Variants in SASH1 observed in about 807,000 individuals in gnomAD.
SASH1 encodes the protein SAM and SH3 domain containing 1, also known as SAM and SH3 domain-containing protein 1.
SASH1 carries 44 observed loss-of-function variants against 125.2 expected under a neutral mutation model. The observed-to-expected ratio is 0.35, with a 90% CI of 0.28 to 0.45. The LOEUF (loss-of-function observed/expected upper bound fraction) is 0.45, where lower values mean the gene tolerates loss of function less well. SASH1 is among the 20% of genes least tolerant of loss of function. The pLI, the probability that SASH1 is intolerant of heterozygous loss-of-function variation, is 1.00. For synonymous variants in SASH1, 639 were observed against 649.1 expected (o/e 0.98, Z 0.24); for missense variants, 1,426 against 1,614.5 (o/e 0.88, Z 2.00).
intron 1 of SASH1, among the ~76,000 whole-genome samples, chr6:148,333,625 G>A (rs1044492351): frequency 1.3e-4 from 20 of 152,088 alleles, no homozygotes; most frequent in African/African-American, 3.9e-4. Context: ...GCAATGGCGC[G>A]ATCTCGGCTC....
intron 2 of SASH1, among the ~76,000 whole-genome samples, chr6:148,400,605 A>G (rs1020573141): frequency 2.0e-5 from 3 of 151,936 alleles, no homozygotes. Context: ...ACAAAAATAA[A>G]CAGGGCGTGG....
At chr6:148,214,704 T>C in the SASH1 span, among the ~76,000 whole-genome samples, 1 of 152,304 alleles carries the variant, frequency 6.6e-6, no homozygotes, top group Non-Finnish European at 1.5e-5. Flanking sequence ...TTGGTATTTC[T>C]CTCAGCTCTG....
chr6:148,224,172 T>A, the SASH1 span, among the ~76,000 whole-genome samples: 1 of 152,156 alleles, frequency 6.6e-6, no homozygotes, highest in African/African-American at 2.4e-5. Flanking sequence ...GTCTCACACC[T>A]ATAATTCCAA....
intron 1 of SASH1, among the ~76,000 whole-genome samples, chr6:148,318,631 C>G (rs1024930284): frequency 1.5e-5 from 2 of 130,090 alleles, no homozygotes; most frequent in Non-Finnish European, 3.5e-5. Context: ...TGGCTCACTG[C>G]AAGCTCCGCC....
In SASH1 at chr6:148,548,658, C is replaced by G. The variant is rs771134707; in HGVS notation, c.*100C>G. 2 of 1,390,452 alleles carry G rather than the reference C, an allele frequency of 1.4e-6. No homozygotes were observed. Among genetic ancestry groups the G allele is most frequent in the Non-Finnish European group, 1.9e-6 (2 of 1,031,886 alleles). 86.1% of individuals were successfully genotyped at this position (1,390,452 alleles called of 1,614,324 possible). ...TCATCTCTGGACGTGCAGACCAGAT[C>G]CAGAAGAAAGGCCTGGCGTGTGGCC... is the stretch of plus-strand genomic sequence containing the variant. On this transcript the variant is annotated 3_prime_UTR_variant, in exon 20 of 20. Transcript: ENST00000367467.
the SASH1 span, among the ~76,000 whole-genome samples, chr6:148,203,928 T>C: frequency 2.0e-5 from 3 of 152,202 alleles, no homozygotes; most frequent in Non-Finnish European, 4.4e-5. Context: ...GTGGCCCTTG[T>C]ACCTTGGGAA....
At chr6:148,229,845 C>T in the SASH1 span, among the ~76,000 whole-genome samples, 1 of 151,058 alleles carries the variant, frequency 6.6e-6, no homozygotes, top group Non-Finnish European at 1.5e-5. Context: ...CTGGATAGCT[C>T]GGATTACAGG....
At chr6:148,238,831 C>T in the SASH1 span, among the ~76,000 whole-genome samples, 1 of 152,176 alleles carries the variant, frequency 6.6e-6, no homozygotes, top group African/African-American at 2.4e-5. Flanking sequence ...GCTACTCACC[C>T]AGCCTCCATT....
intron 1 of SASH1, among the ~76,000 whole-genome samples, chr6:148,373,304 G>A (rs1583041945): frequency 6.6e-6 from 1 of 152,324 alleles, no homozygotes; most frequent in East Asian, 1.9e-4. Flanking sequence ...CAGAGGATGA[G>A]GGTAGGTAAT....
intron 7 of SASH1, among the ~76,000 whole-genome samples, chr6:148,475,858 G>T (rs1186178107): frequency 6.6e-6 from 1 of 152,014 alleles, no homozygotes; most frequent in Non-Finnish European, 1.5e-5. Flanking sequence ...CATATCCATG[G>T]TAGAGTTTAA....
chr6:148,404,041 T>C (rs868441721), intron 2 of SASH1, among the ~76,000 whole-genome samples: 6 of 152,186 alleles, frequency 3.9e-5, no homozygotes, highest in African/African-American at 1.4e-4. Flanking sequence ...CCCCTGAATA[T>C]AGTAGGTGAC....
Position 148,446,103 on chromosome 6 carries a change from T to TTTTTTTTTTTCTTTTTTTTC in SASH1, c.386+5706_386+5707insCTTTTTTTTCTTTTTTTTTT, listed in dbSNP as rs1776763520. On this transcript the variant is annotated intron_variant, in intron 4 of 19. Coordinates refer to ENST00000367467, the MANE Select transcript of SASH1 (RefSeq NM_015278.5). ...ACATAGGGTTCTTTTTTTTTTTTTT[T>TTTTTTTTTTTCTTTTTTTTC]TTTTTTTTTTTTTTTTTTTTTTTGA... 8.7e-4 allele frequency among the ~76,000 whole-genome samples: 18 copies of TTTTTTTTTTTCTTTTTTTTC among 20,674 alleles called. 1 individual carries two copies. Among genetic ancestry groups the TTTTTTTTTTTCTTTTTTTTC allele is most frequent in the Non-Finnish European group, 1.5e-3 (15 of 10,178 alleles). The allele number at this position is 20,674 out of a possible 152,430, so 13.6% of individuals were successfully genotyped here.
intron 5 of SASH1, among the ~76,000 whole-genome samples, chr6:148,469,801 G>A (rs528343502): frequency 3.3e-5 from 5 of 152,054 alleles, no homozygotes; most frequent in Non-Finnish European, 7.4e-5. Flanking sequence ...GCCGAGGAGG[G>A]TGGATGACGA....
chr6:148,470,749 C>G (rs1474122278), intron 5 of SASH1, among the ~76,000 whole-genome samples: 1 of 152,100 alleles, frequency 6.6e-6, no homozygotes, highest in Non-Finnish European at 1.5e-5. Context: ...GGATTGCAGT[C>G]TTGCTTGTCT....
chr6:148,390,683 G>A (rs1583071921), intron 2 of SASH1, among the ~76,000 whole-genome samples: 4 of 152,096 alleles, frequency 2.6e-5, no homozygotes, highest in African/African-American at 7.2e-5. Context: ...AGCTACTCGG[G>A]AGGCTGAGGC....
intron 7 of SASH1, among the ~76,000 whole-genome samples, chr6:148,481,672 G>C (rs1778624041): frequency 6.6e-6 from 1 of 152,104 alleles, no homozygotes; most frequent in East Asian, 1.9e-4. Flanking sequence ...GGAGCCGTCA[G>C]AACACACATA....
intron 2 of SASH1, among the ~76,000 whole-genome samples, chr6:148,406,993 G>T (rs775893227): frequency 1.1e-4 from 17 of 152,196 alleles, no homozygotes; most frequent in Non-Finnish European, 1.6e-4. Context: ...GGCAGGAGTG[G>T]TATAGAGGAG....
intron 2 of SASH1, among the ~76,000 whole-genome samples, chr6:148,396,137 G>A (rs1783938096): frequency 6.6e-6 from 1 of 151,202 alleles, no homozygotes; most frequent in African/African-American, 2.4e-5. Flanking sequence ...TTAAGGACTG[G>A]GAATGTCAAT....
intron 7 of SASH1, among the ~76,000 whole-genome samples, chr6:148,474,811 A>C (rs1182286691): frequency 6.6e-6 from 1 of 152,082 alleles, no homozygotes; most frequent in African/African-American, 2.4e-5. Context: ...GGCTCAAGTG[A>C]TCCTCTCACC....
Sources: gnomAD v4.1 joint callset for allele counts (sites outside exome capture counted in the v4.1 genomes callset) on GRCh38, gnomAD v4.1.1 for gene constraint, MANE v1.5 for transcripts, NCBI Gene and HGNC (gene_info 2026-07-23, HGNC 2026-07-21) for gene names.